The following ST6GALNAC3 variants were observed in gnomAD, a reference collection of about 807,000 sequenced individuals.
The protein encoded by ST6GALNAC3 is alpha-N-acetylgalactosaminide alpha-2,6-sialyltransferase 3.
A neutral mutation model predicts 32.7 loss-of-function variants in ST6GALNAC3; 25 were observed. That is an observed-to-expected ratio of 0.76 (90% CI 0.56 to 1.07). ST6GALNAC3 has a LOEUF of 1.07. Ranked by LOEUF, ST6GALNAC3 falls within the 50% of genes least tolerant of loss-of-function variation. The pLI is 0.00. For missense variants in ST6GALNAC3, 355 were observed against 382.4 expected, an observed-to-expected ratio of 0.93 and a Z score of 0.60; for synonymous variants, 129 against 133.1, an observed-to-expected ratio of 0.97 and a Z score of 0.21.
chr1:76,077,152 A>G (rs982611614), intron 1 of ST6GALNAC3, among the ~76,000 whole-genome samples: 4 of 152,152 alleles, frequency 2.6e-5, no homozygotes, highest in Admixed American at 2.6e-4. Flanking sequence ...CTTGCATATG[A>G]TTTTAGACAG....
intron 1 of ST6GALNAC3, among the ~76,000 whole-genome samples, chr1:76,110,623 G>A (rs1647860183): frequency 6.6e-6 from 1 of 152,220 alleles, no homozygotes; most frequent in South Asian, 2.1e-4. Flanking sequence ...ACAGTCCAAG[G>A]ATAAAGTTGA....
At chr1:76,576,659 T>C (rs1239363294) in intron 3 of ST6GALNAC3, among the ~76,000 whole-genome samples, 1 of 152,040 alleles carries the variant, frequency 6.6e-6, no homozygotes, top group East Asian at 1.9e-4. Context: ...TCATAAAAGT[T>C]GTATAATAAT....
In ST6GALNAC3 at chr1:76,607,084, GT is replaced by G. The variant is rs564556555; in HGVS notation, c.624-20366del. On this transcript the variant is annotated intron_variant, in intron 3 of 4. Coordinates refer to ENST00000328299, the MANE Select transcript of ST6GALNAC3 (RefSeq NM_152996.4). ...GGGGTGCTTACTACTTCCTCCTTGG[GT>G]TGGATAATTTGCTAGAATGGCTCAC... Among the ~76,000 whole-genome samples the G allele has an allele frequency of 1.5e-3, 228 of 152,230 alleles. 3 individuals carry two copies. Among genetic ancestry groups the G allele is most frequent in the African/African-American group, 5.1e-3 (212 of 41,532 alleles).
intron 1 of ST6GALNAC3, among the ~76,000 whole-genome samples, chr1:76,245,097 C>T (rs1236518957): frequency 6.6e-6 from 1 of 152,148 alleles, no homozygotes; most frequent in Admixed American, 6.6e-5. Flanking sequence ...TTAATTACTG[C>T]CTCAATTTCA....
chr1:76,294,571 C>T (rs868108275), intron 1 of ST6GALNAC3, among the ~76,000 whole-genome samples: 15 of 152,130 alleles, frequency 9.9e-5, no homozygotes, highest in Middle Eastern at 3.4e-3. Context: ...AACTGTCTGC[C>T]TTTCCTGTTA....
At chr1:76,327,272 ATGCGTGTGTGTG>A (rs781101053) in intron 2 of ST6GALNAC3, among the ~76,000 whole-genome samples, 2 of 130,516 alleles carry the variant, frequency 1.5e-5, no homozygotes, top group African/African-American at 2.9e-5. Flanking sequence ...GTATGTATAT[ATGCGTGTGTGTG>A]TGTGTGTGTG....
intron 4 of ST6GALNAC3, among the ~76,000 whole-genome samples, chr1:76,628,261 T>C (rs931987975): frequency 6.6e-6 from 1 of 151,948 alleles, no homozygotes; most frequent in Admixed American, 6.6e-5. Flanking sequence ...ACTATAAGCA[T>C]AATGGAGCTC....
intron 3 of ST6GALNAC3, among the ~76,000 whole-genome samples, chr1:76,587,582 G>C (rs543076772): frequency 8.1e-4 from 123 of 152,220 alleles, no homozygotes; most frequent in Non-Finnish European, 9.1e-4. Context: ...CTTACTGGTT[G>C]AGTGACCTTG....
intron 1 of ST6GALNAC3, among the ~76,000 whole-genome samples, chr1:76,109,603 C>A (rs1051866041): frequency 1.3e-5 from 2 of 152,194 alleles, no homozygotes; most frequent in East Asian, 3.9e-4. Context: ...CATGTGAAGA[C>A]CAGCTTCCTC....
At chr1:76,096,612 A>C (rs1647136142) in intron 1 of ST6GALNAC3, among the ~76,000 whole-genome samples, 1 of 151,120 alleles carries the variant, frequency 6.6e-6, no homozygotes, top group African/African-American at 2.4e-5. Context: ...TTTTATAAAT[A>C]AATTAATAAT....
chr1:76,246,397 TG>T (rs1657260429), intron 1 of ST6GALNAC3, among the ~76,000 whole-genome samples: 1 of 152,240 alleles, frequency 6.6e-6, no homozygotes, highest in Admixed American at 6.5e-5. Flanking sequence ...CTGGGGCACT[TG>T]GCTCATTTAC....
intron 2 of ST6GALNAC3, among the ~76,000 whole-genome samples, chr1:76,316,315 C>T (rs1300066881): frequency 6.6e-6 from 1 of 152,098 alleles, no homozygotes. Context: ...TGAACCCGTG[C>T]ACTGGAAGGC....
chr1:76,264,258 G>C (rs1303232143), intron 1 of ST6GALNAC3, among the ~76,000 whole-genome samples: 2 of 152,186 alleles, frequency 1.3e-5, no homozygotes, highest in South Asian at 2.1e-4. Context: ...AATAGTAGTG[G>C]CTTCAATTTT....
chr1:76,494,592 A>G (rs1050675565), intron 3 of ST6GALNAC3, among the ~76,000 whole-genome samples: 12 of 115,580 alleles, frequency 1.0e-4, no homozygotes, highest in African/African-American at 4.3e-4. Context: ...CACTTTCCCT[A>G]CTTTCTTCCA....
intron 1 of ST6GALNAC3, among the ~76,000 whole-genome samples, chr1:76,283,823 C>T (rs1242413631): frequency 6.6e-6 from 1 of 152,212 alleles, no homozygotes; most frequent in Non-Finnish European, 1.5e-5. Flanking sequence ...TTGAACCTCT[C>T]TGAATGAGTG....
chr1:76,609,232 A>G (rs1057167278), intron 3 of ST6GALNAC3, among the ~76,000 whole-genome samples: 1 of 152,136 alleles, frequency 6.6e-6, no homozygotes, highest in Non-Finnish European at 1.5e-5. Context: ...TCTTCTCATC[A>G]TTAACATTTT....
At chr1:76,081,158 G>A (rs1284959783) in intron 1 of ST6GALNAC3, among the ~76,000 whole-genome samples, 3 of 152,100 alleles carry the variant, frequency 2.0e-5, no homozygotes, top group Admixed American at 6.5e-5. Flanking sequence ...TGGAGGTGGG[G>A]TTCACCCTGA....
At chr1:76,314,111 C>A in intron 2 of ST6GALNAC3, 112 bp downstream of exon 2, 1 of 983,072 alleles carries the variant, frequency 1.0e-6, no homozygotes, top group Non-Finnish European at 1.4e-6. Flanking sequence ...CCCCGGAGAG[C>A]TTGCTTGGGT....
chr1:76,187,224 T>A (rs1653611015), intron 1 of ST6GALNAC3, among the ~76,000 whole-genome samples: 1 of 152,238 alleles, frequency 6.6e-6, no homozygotes, highest in Non-Finnish European at 1.5e-5. Flanking sequence ...AATAGATGAA[T>A]GTATTCTACT....
Sources: allele counts gnomAD v4.1 joint callset (sites outside exome capture counted in the v4.1 genomes callset), GRCh38; gene constraint gnomAD v4.1.1; transcripts MANE v1.5; gene names NCBI Gene and HGNC (gene_info 2026-07-23, HGNC 2026-07-21).